SLCO2A1: variants seen among roughly 807,000 people sequenced by gnomAD.
The protein encoded by SLCO2A1 is matrin F/G 1.
SLCO2A1 carries 60 observed loss-of-function variants against 71.7 expected under a neutral mutation model. The ratio of observed to expected loss-of-function variants is 0.84; its 90% CI spans 0.68 to 1.04. The LOEUF (loss-of-function observed/expected upper bound fraction) is 1.04. Ranked by LOEUF, SLCO2A1 falls within the 50% of genes least tolerant of loss-of-function variation. The probability of loss-of-function intolerance (pLI) is 0.00; values close to 1 mark genes in which losing one functional copy is unlikely to be tolerated. For synonymous variants in SLCO2A1, 308 were observed against 326.7 expected (o/e 0.94, Z 0.62); for missense variants, 745 against 813.4 (o/e 0.92, Z 1.02).
rs372823543 is a variant in SLCO2A1, at chr3:133,941,684, C to T, written c.1625+921G>A. On this transcript the variant is annotated intron_variant, in intron 11 of 13. Coordinates refer to ENST00000310926, the MANE Select transcript of SLCO2A1 (RefSeq NM_005630.3). ...AGCTGCCAGCTGTAACGGGACACCC[C>T]GCTCCTCCCCTCCAGCTCTGGCCAG... Among the ~76,000 whole-genome samples the T allele has an allele frequency of 7.9e-5, 12 of 152,142 alleles. No individual in the cohort carries two copies. The East Asian group carries it at 1.2e-3, about 15-fold the overall frequency.
rs78797327 is a variant in SLCO2A1 at position 133,933,661 on chromosome 3, C to T, written c.*1052G>A. ...CAACCTGACTGGCTGTTTTGTGGGC[C>T]GCAGCTTGCCATCCAGCTTGGTGAC... On this transcript the variant is annotated 3_prime_UTR_variant, in exon 14 of 14. Coordinates refer to ENST00000310926, the MANE Select transcript of SLCO2A1 (RefSeq NM_005630.3). 4.6e-5 allele frequency: 7 copies of T among 152,302 alleles called. No homozygotes were observed. Among genetic ancestry groups the T allele is most frequent in the Admixed American group, 3.9e-4 (6 of 15,296 alleles). 9.4% of individuals were successfully genotyped at this position (152,302 alleles called of 1,614,324 possible).
Position 134,011,120 on chromosome 3 carries a change from G to A in SLCO2A1, c.96+18587C>T, listed in dbSNP as rs537243324. Among the ~76,000 whole-genome samples the A allele has an allele frequency of 4.3e-4, 66 of 152,148 alleles. No individual in the cohort carries two copies. The South Asian group carries it at 0.011, about 24-fold the overall frequency. On this transcript the variant is annotated intron_variant, in intron 1 of 13. Coordinates refer to ENST00000310926, the MANE Select transcript of SLCO2A1 (RefSeq NM_005630.3). ...GGCTGGAGTGCAATGGCGCGATCTC[G>A]GCTCACTGCAACCTCCGCCTCCTGG... is the stretch of plus-strand genomic sequence containing the variant.
intron 1 of SLCO2A1, among the ~76,000 whole-genome samples, chr3:134,012,794 G>T (rs935010504): frequency 3.2e-4 from 49 of 152,098 alleles, no homozygotes; most frequent in Admixed American, 9.2e-4. Flanking sequence ...CTCCCCATAG[G>T]TCCCTAAGGT....
At chr3:133,978,996 G>C (rs1264308996) in intron 2 of SLCO2A1, among the ~76,000 whole-genome samples, 2 of 152,194 alleles carry the variant, frequency 1.3e-5, no homozygotes, top group South Asian at 2.1e-4. Flanking sequence ...GCCCTCATAA[G>C]ACAGGAGATG....
intron 5 of SLCO2A1, among the ~76,000 whole-genome samples, chr3:133,952,484 C>T (rs1351184240): frequency 1.3e-5 from 2 of 152,180 alleles, no homozygotes; most frequent in Non-Finnish European, 2.9e-5. Flanking sequence ...CCACACACTC[C>T]CCACATTCTC....
Position 133,935,771 on chromosome 3 carries a change from C to T in SLCO2A1, c.1814+3G>A, listed in dbSNP as rs373081255. On this transcript the variant is annotated splice_donor_region_variant and intron_variant, in intron 13 of 13. Coordinates refer to ENST00000310926, the MANE Select transcript of SLCO2A1 (RefSeq NM_005630.3). ...GGGACACACATACATGATGGGCCCT[C>T]ACCTGTCTCGGAGAGCATCGTTGTC... The T allele has an allele frequency of 1.0e-5, 16 of 1,597,748 alleles. No individual in the cohort carries two copies. Among genetic ancestry groups the T allele is most frequent in the Non-Finnish European group, 1.3e-5 (15 of 1,170,598 alleles).
intron 9 of SLCO2A1, among the ~76,000 whole-genome samples, chr3:133,946,881 G>T (rs1933591019): frequency 6.6e-6 from 1 of 152,118 alleles, no homozygotes. Context: ...TTGGGAGGCT[G>T]TGGCAGGCAG....
At chr3:134,015,185 C>T (rs1329058293) in intron 1 of SLCO2A1, among the ~76,000 whole-genome samples, 1 of 152,206 alleles carries the variant, frequency 6.6e-6, no homozygotes, top group African/African-American at 2.4e-5. Context: ...ATGGAATCAA[C>T]CTCAGCATCC....
At chr3:133,948,020 A>G (rs548250096) in intron 8 of SLCO2A1, among the ~76,000 whole-genome samples, 153 of 152,242 alleles carry the variant, frequency 1.0e-3, no homozygotes, top group African/African-American at 3.5e-3. Flanking sequence ...GCTGGGTGCC[A>G]CCTCCAGAGA....
Position 133,947,489 on chromosome 3 carries a change from G to T in SLCO2A1, c.1106-44C>A, listed in dbSNP as rs72980310. On this transcript the variant is annotated intron_variant, in intron 8 of 13. Coordinates refer to ENST00000310926, the MANE Select transcript of SLCO2A1 (RefSeq NM_005630.3). ...AGGTGATCCAGGTGCACAGGCCTGG[G>T]ACTGCATGTGGGCTACAAACACTGA... 5.7e-3 allele frequency: 8,603 copies of T among 1,514,670 alleles called. 405 individuals carry two copies. In the African/African-American group the frequency reaches 0.1, roughly 18 times the overall value. The allele number at this position is 1,514,670 out of a possible 1,614,324, so 93.8% of individuals were successfully genotyped here. A position where few individuals can be genotyped will look rare whatever the true frequency, so the allele number is the denominator to read the frequency against.
At chr3:133,977,429 T>C (rs781390779) in intron 2 of SLCO2A1, among the ~76,000 whole-genome samples, 7 of 152,156 alleles carry the variant, frequency 4.6e-5, no homozygotes, top group African/African-American at 1.4e-4. Flanking sequence ...TCCCAGCCCA[T>C]TGAGGAATCC....
intron 11 of SLCO2A1, among the ~76,000 whole-genome samples, chr3:133,941,414 G>A (rs994056759): frequency 3.3e-5 from 5 of 152,068 alleles, no homozygotes; most frequent in African/African-American, 9.7e-5. Context: ...TAAGGAGACT[G>A]AGGCTCAATG....
intron 3 of SLCO2A1, among the ~76,000 whole-genome samples, chr3:133,958,591 T>C (rs772679704): frequency 3.3e-5 from 5 of 152,140 alleles, no homozygotes; most frequent in Admixed American, 6.5e-5. Context: ...TGTTCAAACA[T>C]TTATACAAAC....
chr3:133,975,983 T>A (rs930152701), intron 2 of SLCO2A1, among the ~76,000 whole-genome samples: 20 of 152,248 alleles, frequency 1.3e-4, no homozygotes, highest in African/African-American at 4.3e-4. Flanking sequence ...TAGAATGATA[T>A]ATGAGCAGAG....
At chr3:133,989,994 C>T (rs566050289) in intron 1 of SLCO2A1, among the ~76,000 whole-genome samples, 173 of 151,550 alleles carry the variant, frequency 1.1e-3, no homozygotes, top group African/African-American at 3.8e-3. Context: ...TGATAGTTCC[C>T]GTTAATTCTA....
At chr3:134,016,775 A>G (rs1435945769) in intron 1 of SLCO2A1, among the ~76,000 whole-genome samples, 1 of 152,260 alleles carries the variant, frequency 6.6e-6, no homozygotes, top group Non-Finnish European at 1.5e-5. Context: ...CCAACTGGAA[A>G]CAACCCAAAT....
chr3:133,935,554 G>A (rs1056060786), intron 13 of SLCO2A1, among the ~76,000 whole-genome samples: 2 of 152,172 alleles, frequency 1.3e-5, no homozygotes, highest in Non-Finnish European at 1.5e-5. Context: ...CCTTCCAAGG[G>A]CTTTCGGGTC....
At position 133,948,946 on chromosome 3, in the gene SLCO2A1, G is replaced by C. The variant is rs1204629936; in HGVS notation, c.887C>G (p.Ala296Gly). 1.2e-6 allele frequency: 2 copies of C among 1,614,122 alleles called. No individual in the cohort carries two copies. The highest frequency in any genetic ancestry group is 8.5e-7 in the Non-Finnish European group (1 of 1,179,980). ...TGACTTGGCCTCCTCCAACTTCCTT[G>C]CTTCATCTGCTGTGGCAGGAGCCCT... ...AKRAPATADEARKLEEAKSRG... is the reference protein window; with the variant it reads ...AKRAPATADEGRKLEEAKSRG... The change falls in exon 7 of 14, where the codon GCA becomes GGA. Residue 296 changes from alanine (A) to glycine (G), a missense_variant. Transcript: ENST00000310926.
At chr3:134,024,081 TATC>T (rs1237753434) in intron 1 of SLCO2A1, among the ~76,000 whole-genome samples, 3 of 152,212 alleles carry the variant, frequency 2.0e-5, no homozygotes, top group African/African-American at 7.2e-5. Context: ...TTCAAGAGCT[TATC>T]AATCAGTCAG....
Sources: allele counts gnomAD v4.1 joint callset (sites outside exome capture counted in the v4.1 genomes callset), GRCh38; gene constraint gnomAD v4.1.1; transcripts MANE v1.5; gene names NCBI Gene and HGNC (gene_info 2026-07-23, HGNC 2026-07-21).